Variants in PI4KA observed in about 807,000 individuals in gnomAD.
PI4KA encodes phosphatidylinositol 4-kinase alpha.
Under a neutral mutation model 271.4 loss-of-function variants are expected in PI4KA, and 122 were observed. That is an observed-to-expected ratio of 0.45 (90% CI 0.39 to 0.52). PI4KA has a LOEUF of 0.52. Ranked by LOEUF, PI4KA falls within the 20% of genes least tolerant of loss-of-function variation. PI4KA has a pLI of 0.00. For missense variants in PI4KA, 1,969 were observed against 2,769.1 expected, an observed-to-expected ratio of 0.71 and a Z score of 6.48; for synonymous variants, 1,041 against 1,078.8, an observed-to-expected ratio of 0.96 and a Z score of 0.69.
chr22:20,804,248 A>T, intron 12 of PI4KA, 52 bp downstream of exon 12: 1 of 1,192,316 alleles, frequency 8.4e-7, no homozygotes, highest in East Asian at 2.3e-5. Flanking sequence ...GCGTGACAAG[A>T]GGGAGGCCCT....
intron 19 of PI4KA, among the ~76,000 whole-genome samples, chr22:20,767,108 T>C (rs1932605686): frequency 6.6e-6 from 1 of 152,176 alleles, no homozygotes. Context: ...ACTAGATGTC[T>C]ACCTGAAAGG....
chr22:20,758,752 G>A (rs368874439), intron 23 of PI4KA, among the ~76,000 whole-genome samples: 21 of 151,886 alleles, frequency 1.4e-4, no homozygotes, highest in African/African-American at 4.8e-4. Flanking sequence ...CCCCCACCCC[G>A]CCCTGTGTCT....
intron 3 of PI4KA, among the ~76,000 whole-genome samples, chr22:20,826,438 A>C (rs1464321475): frequency 6.6e-6 from 1 of 152,176 alleles, no homozygotes; most frequent in Non-Finnish European, 1.5e-5. Context: ...CATTTTCTTT[A>C]TCCAGTCTTC....
chr22:20,814,065 C>T (rs2147663887), intron 7 of PI4KA, among the ~76,000 whole-genome samples: 1 of 152,316 alleles, frequency 6.6e-6, no homozygotes, highest in South Asian at 2.1e-4. Context: ...TCCCAAAGTG[C>T]TGGGATTACA....
rs189848081 is a variant in PI4KA at position 20,843,728 on chromosome 22, C to T, written c.157-4997G>A. Among the ~76,000 whole-genome samples, 13 of 152,256 alleles carry T rather than the reference C, an allele frequency of 8.5e-5. No homozygotes were observed. The East Asian group carries it at 2.5e-3, about 29-fold the overall frequency. ...TGTTTTACAGGTTAGGCAACTAGGT[C>T]CAGATAAGTTAAGTGCACCTGAGGC... is the stretch of plus-strand genomic sequence containing the variant. On this transcript the variant is annotated intron_variant, in intron 1 of 54. Coordinates refer to ENST00000255882, the MANE Select transcript of PI4KA (RefSeq NM_058004.4).
Position 20,796,290 on chromosome 22 carries a change from A to G in PI4KA, c.2133T>C (p.Asn711=), listed in dbSNP as rs758357939. 9 of 1,613,852 alleles carry G rather than the reference A, an allele frequency of 5.6e-6. No individual in the cohort carries two copies. The highest frequency in any genetic ancestry group is 6.8e-6 in the Non-Finnish European group (8 of 1,179,942). ...TGTTGGCCGCGATGTTGGCCAGGGC[A>G]TTAATCACTGCCAGGGAGCAATGCC... ...GYRHCSLAVI[N]ALANIAANIQ... is the part of the protein sequence containing the mutation. The change falls in exon 18 of 55, where the codon AAT becomes AAC. Residue 711 remains asparagine (N), a synonymous_variant. Coordinates refer to ENST00000255882, the MANE Select transcript of PI4KA (RefSeq NM_058004.4).
chr22:20,755,574 G>T (rs931064553), intron 23 of PI4KA, among the ~76,000 whole-genome samples: 1 of 152,198 alleles, frequency 6.6e-6, no homozygotes, highest in Non-Finnish European at 1.5e-5. Context: ...GCTGAGGCGG[G>T]TGGATCACTT....
At chr22:20,750,100 G>A (rs577636816) in intron 27 of PI4KA, 106 bp from the exon 28 acceptor site, 109 of 725,276 alleles carry the variant, frequency 1.5e-4, no homozygotes, top group African/African-American at 5.1e-4. Context: ...CCTATGCTGC[G>A]CCTTAACTGG....
chr22:20,787,067 A>G, intron 19 of PI4KA: 1 of 1,613,936 alleles, frequency 6.2e-7, no homozygotes, highest in Non-Finnish European at 8.5e-7. Context: ...CAGGTCCTAG[A>G]GGTGGAGGTC....
intron 23 of PI4KA, among the ~76,000 whole-genome samples, chr22:20,756,515 T>G (rs1348203260): frequency 2.6e-5 from 4 of 151,624 alleles, no homozygotes; most frequent in Non-Finnish European, 4.4e-5. Flanking sequence ...CCACCACACC[T>G]GGCCTAGTAT....
chr22:20,792,858 C>G (rs1934740760), intron 19 of PI4KA, among the ~76,000 whole-genome samples: 1 of 152,190 alleles, frequency 6.6e-6, no homozygotes, highest in Non-Finnish European at 1.5e-5. Flanking sequence ...AGGGAGCTGG[C>G]CCAGCATCAG....
chr22:20,783,972 G>A, intron 19 of PI4KA: 2 of 1,614,212 alleles, frequency 1.2e-6, no homozygotes, highest in East Asian at 2.2e-5. Context: ...GCCTTTACAG[G>A]ATCCTGGGTG....
chr22:20,796,053 G>A (rs1216879125), intron 18 of PI4KA, 93 bp downstream of exon 18: 10 of 1,166,106 alleles, frequency 8.6e-6, no homozygotes, highest in South Asian at 4.1e-5. Flanking sequence ...CAAAGAAAGT[G>A]CCATATTCCA....
rs1175832882 is a variant in PI4KA at position 20,742,604 on chromosome 22, T to C, written c.3613+4A>G. The C allele has an allele frequency of 6.2e-7, 1 of 1,614,076 alleles. No individual in the cohort carries two copies. The highest frequency in any genetic ancestry group is 2.2e-5 in the East Asian group (1 of 44,882). On this transcript the variant is annotated splice_donor_region_variant and intron_variant, in intron 31 of 54. Transcript: ENST00000255882. ...CAGAATTCCACAGTGCTTCAGTGAG[T>C]TACCTTTACTGCTAATGAGCATTGC...
chr22:20,739,460 T>TGTTGGAAAGCAA (rs1289938885), intron 32 of PI4KA, among the ~76,000 whole-genome samples: 2 of 147,410 alleles, frequency 1.4e-5, no homozygotes, highest in Non-Finnish European at 1.5e-5. Context: ...ATAGCAAGAC[T>TGTTGGAAAGCAA]GTCTTCAGGA....
intron 3 of PI4KA, among the ~76,000 whole-genome samples, chr22:20,826,796 T>C (rs1211796963): frequency 6.6e-6 from 1 of 152,224 alleles, no homozygotes; most frequent in African/African-American, 2.4e-5. Flanking sequence ...ATTTCTCTGA[T>C]TATTAGCATC....
intron 8 of PI4KA, among the ~76,000 whole-genome samples, chr22:20,812,785 A>T (rs753675466): frequency 1.7e-4 from 26 of 152,220 alleles, no homozygotes; most frequent in Admixed American, 1.0e-3. Flanking sequence ...CGAACTCCTG[A>T]CCTCAAGTGA....
intron 19 of PI4KA, chr22:20,786,998 C>G: frequency 6.2e-7 from 1 of 1,614,194 alleles, no homozygotes; most frequent in Non-Finnish European, 8.5e-7. Context: ...CTTTCTTTTC[C>G]TCATCTACGA....
rs1292231425 is a variant in PI4KA at position 20,858,719 on chromosome 22, C to T, written c.7G>A (p.Ala3Thr). 1 of 1,439,436 alleles carries T rather than the reference C, an allele frequency of 6.9e-7. No individual in the cohort carries two copies. The highest frequency in any genetic ancestry group is 3.1e-5 in the East Asian group (1 of 32,624). 89.2% of individuals were successfully genotyped at this position (1,439,436 alleles called of 1,614,324 possible). The change falls in exon 1 of 55, where the codon GCG (alanine) becomes ACG (threonine). Residue 3 changes from alanine (A) to threonine (T), a missense_variant. Physicochemically the swap from Ala to Thr is moderately conservative, Grantham distance 58 (BLOSUM62 0). This residue lies in a region of PI4KA where 540 missense variants were observed against 555.5 expected (regional missense o/e 0.97). Transcript: ENST00000255882. ...CCTCCGCCTCCCCGGGCCGGGGCCGCCGCCATCACCTCACGAGCCGCGGCG... is the reference window on the plus strand; with the variant it reads ...CCTCCGCCTCCCCGGGCCGGGGCCGTCGCCATCACCTCACGAGCCGCGGCG... MA[A>T]APARGGGGGG...
Sources: gnomAD v4.1 joint callset for allele counts (sites outside exome capture counted in the v4.1 genomes callset) on GRCh38, gnomAD v4.1.1 for gene constraint, gnomAD v4.1.1 regional missense constraint, MANE v1.5 for transcripts, NCBI Gene and HGNC (gene_info 2026-07-23, HGNC 2026-07-21) for gene names.